The following CNTN5 variants were observed in gnomAD, a reference collection of about 807,000 sequenced individuals.
CNTN5 encodes the protein contactin 5, also known as contactin-5.
Under a neutral mutation model 129.1 loss-of-function variants are expected in CNTN5, and 77 were observed. That is an observed-to-expected ratio of 0.60 (90% CI 0.50 to 0.72). CNTN5 has a LOEUF of 0.72. CNTN5 is among the 30% of genes least tolerant of loss of function. CNTN5 has a pLI of 0.00. For synonymous variants in CNTN5, 509 were observed against 465.6 expected, an observed-to-expected ratio of 1.09 and a Z score of -1.20; for missense variants, 1,478 against 1,328.8, an observed-to-expected ratio of 1.11 and a Z score of -1.75.
At chr11:99,055,440 C>G (rs1864590174) in intron 1 of CNTN5, among the ~76,000 whole-genome samples, 1 of 151,958 alleles carries the variant, frequency 6.6e-6, no homozygotes, top group Non-Finnish European at 1.5e-5. Flanking sequence ...ACAATTTACT[C>G]TTATTTCCTA....
At chr11:100,337,007 C>G (rs1390430103) in intron 21 of CNTN5, 2 of 832,162 alleles carry the variant, frequency 2.4e-6, no homozygotes, top group East Asian at 4.9e-5. Flanking sequence ...CCACACACAT[C>G]TCAGCTGCTT....
intron 1 of CNTN5, among the ~76,000 whole-genome samples, chr11:99,172,410 C>T (rs1861188789): frequency 6.6e-6 from 1 of 152,140 alleles, no homozygotes; most frequent in Admixed American, 6.5e-5. Flanking sequence ...ATCTTTTCCT[C>T]TTCATCAAAA....
chr11:99,995,720 T>C (rs925337969), intron 8 of CNTN5, among the ~76,000 whole-genome samples: 5 of 152,216 alleles, frequency 3.3e-5, no homozygotes, highest in African/African-American at 1.2e-4. Flanking sequence ...GAGAAGCATC[T>C]GTGCCAAATC....
intron 3 of CNTN5, among the ~76,000 whole-genome samples, chr11:99,745,100 G>A (rs933837902): frequency 4.6e-5 from 7 of 152,144 alleles, no homozygotes; most frequent in African/African-American, 7.2e-5. Context: ...TCCATTAAGC[G>A]TTTTTATTGG....
intron 1 of CNTN5, among the ~76,000 whole-genome samples, chr11:99,242,458 A>G (rs949121517): frequency 1.3e-5 from 2 of 152,244 alleles, no homozygotes; most frequent in African/African-American, 4.8e-5. Context: ...ACAAGAATGT[A>G]AGCTCCATTA....
rs558694306 is a variant in CNTN5 at position 99,533,929 on chromosome 11, A to G, written c.-70-22216A>G. ...AGAAAATTCCGTGGGTTTGGTTTAG[A>G]GGAGATTAGACCTGGGGATGCTGAA... On this transcript the variant is annotated intron_variant, in intron 2 of 24. Transcript: ENST00000524871. 9.6e-3 allele frequency among the ~76,000 whole-genome samples: 1,462 copies of G among 152,308 alleles called. 24 individuals carry two copies. The highest frequency in any genetic ancestry group is 0.033 in the African/African-American group (1,386 of 41,572).
At position 99,789,046 on chromosome 11, in the gene CNTN5, C is replaced by T. The variant is rs561990446; in HGVS notation, c.56-30498C>T. On this transcript the variant is annotated intron_variant, in intron 3 of 24. Coordinates refer to ENST00000524871, the MANE Select transcript of CNTN5 (RefSeq NM_014361.4). ...ATCTCCCCAAAACCGTGCTCATTAA[C>T]TCTGGGAATCTCTACTGTTCTAAGA... 6.6e-5 allele frequency among the ~76,000 whole-genome samples: 10 copies of T among 151,736 alleles called. No homozygotes were observed. The South Asian group carries it at 2.1e-3, about 31-fold the overall frequency.
rs190715901 is a variant in CNTN5, at chr11:99,138,311, T to A, written c.-210+117041T>A. 1.2e-4 allele frequency among the ~76,000 whole-genome samples: 18 copies of A among 152,272 alleles called. No individual in the cohort carries two copies. The East Asian group carries it at 3.3e-3, about 28-fold the overall frequency. On this transcript the variant is annotated intron_variant, in intron 1 of 24. Transcript: ENST00000524871. The stretch of plus-strand genomic sequence containing the variant: ...TACATTCTATTGCAGGTATAAATCG[T>A]CCTATATGGATGAAATGTTAAGCAG...
At chr11:100,042,390 A>C (rs1218806044) in intron 9 of CNTN5, among the ~76,000 whole-genome samples, 1 of 152,002 alleles carries the variant, frequency 6.6e-6, no homozygotes, top group East Asian at 1.9e-4. Context: ...TTTTTGTGCA[A>C]GTCACAAAGG....
chr11:100,146,530 C>T (rs947490924), intron 13 of CNTN5, among the ~76,000 whole-genome samples: 5 of 152,072 alleles, frequency 3.3e-5, no homozygotes, highest in Non-Finnish European at 1.5e-5. Context: ...CTCATTATTT[C>T]AAGTTTTGTT....
At chr11:100,304,560 T>C (rs1334545685) in intron 20 of CNTN5, among the ~76,000 whole-genome samples, 2 of 151,480 alleles carry the variant, frequency 1.3e-5, no homozygotes, top group African/African-American at 2.4e-5. Flanking sequence ...GGGGTCTAGA[T>C]GGTTTCTGGC....
intron 2 of CNTN5, among the ~76,000 whole-genome samples, chr11:99,479,370 T>C (rs890559203): frequency 6.6e-6 from 1 of 152,028 alleles, no homozygotes; most frequent in African/African-American, 2.4e-5. Context: ...AGCATAAAAG[T>C]CATTTAATAC....
At chr11:99,935,832 C>G (rs1387137764) in intron 7 of CNTN5, among the ~76,000 whole-genome samples, 1 of 152,056 alleles carries the variant, frequency 6.6e-6, no homozygotes, top group East Asian at 1.9e-4. Context: ...AACCAATGAA[C>G]TTTAAGTTGC....
At chr11:99,410,649 T>C (rs1008967568) in intron 2 of CNTN5, among the ~76,000 whole-genome samples, 3 of 152,244 alleles carry the variant, frequency 2.0e-5, no homozygotes, top group Non-Finnish European at 4.4e-5. Flanking sequence ...TGATTTTCCC[T>C]GGGCAACAAT....
intron 1 of CNTN5, among the ~76,000 whole-genome samples, chr11:99,258,560 T>G (rs562125040): frequency 2.6e-5 from 4 of 152,048 alleles, no homozygotes; most frequent in African/African-American, 9.6e-5. Context: ...AGTTAAAAAA[T>G]TACAAAATAA....
chr11:99,613,077 A>G (rs1204516504), intron 3 of CNTN5, among the ~76,000 whole-genome samples: 1 of 152,194 alleles, frequency 6.6e-6, no homozygotes. Flanking sequence ...TCTTTAGTCC[A>G]CAACCACGAT....
chr11:99,980,986 T>A (rs552536290), intron 8 of CNTN5, among the ~76,000 whole-genome samples: 1 of 150,634 alleles, frequency 6.6e-6, no homozygotes, highest in East Asian at 2.0e-4. Flanking sequence ...CTTTTTTTCA[T>A]ATACACATGA....
chr11:99,072,950 G>A (rs1289803620), intron 1 of CNTN5, among the ~76,000 whole-genome samples: 2 of 152,036 alleles, frequency 1.3e-5, no homozygotes, highest in African/African-American at 4.8e-5. Context: ...AGTTTTGCCT[G>A]TTTTTGAACT....
At position 100,304,173 on chromosome 11, in the gene CNTN5, C is replaced by T. The variant is rs138804426; in HGVS notation, c.2621-4186C>T. Among the ~76,000 whole-genome samples, 540 of 151,576 alleles carry T rather than the reference C, an allele frequency of 3.6e-3. 3 individuals are homozygous for T. The highest frequency in any genetic ancestry group is 0.024 in the Middle Eastern group (7 of 294). On this transcript the variant is annotated intron_variant, in intron 20 of 24. Coordinates refer to ENST00000524871, the MANE Select transcript of CNTN5 (RefSeq NM_014361.4). ...ACATTTTTAATCTATCAGAAACAAA[C>T]GTATCAATCAACCTGTCCACTACAT...
Sources: allele counts gnomAD v4.1 joint callset (sites outside exome capture counted in the v4.1 genomes callset), GRCh38; gene constraint gnomAD v4.1.1; transcripts MANE v1.5; gene names NCBI Gene and HGNC (gene_info 2026-07-23, HGNC 2026-07-21).